Variants in ATP23 observed in about 807,000 individuals in gnomAD.
ATP23 encodes the protein ATP23 metallopeptidase and ATP synthase assembly factor homolog, also known as mitochondrial inner membrane protease ATP23 homolog.
Under a neutral mutation model 28.5 loss-of-function variants are expected in ATP23, and 24 were observed. That is an observed-to-expected ratio of 0.84 (90% CI 0.61 to 1.18). ATP23 has a LOEUF of 1.18. Among genes scored for constraint, ATP23 ranks in the 50% most tolerant of loss-of-function variants. ATP23 has a pLI of 0.00. For missense variants in ATP23, 274 were observed against 306.4 expected (o/e 0.89, Z 0.79); for synonymous variants, 99 against 108.6 (o/e 0.91, Z 0.55).
Position 57,942,425 on chromosome 12 carries a change from A to ATT in ATP23, c.187+552_187+553dup, listed in dbSNP as rs35301187. Reference sequence around the variant, plus strand: ...TGTGTGTGTGTGTGCCCCTAAGTGCATTTTTTTTTTTTTTTTGAGACGGAG... The same window carrying ATT: ...TGTGTGTGTGTGTGCCCCTAAGTGCATTTTTTTTTTTTTTTTTTGAGACGGAG... On this transcript the variant is annotated intron_variant, in intron 1 of 5. Transcript: ENST00000300145. Among the ~76,000 whole-genome samples the ATT allele has an allele frequency of 4.1e-3, 574 of 139,134 alleles. 5 individuals carry two copies. Among genetic ancestry groups the ATT allele is most frequent in the African/African-American group, 9.7e-3 (365 of 37,752 alleles). 91.3% of individuals were successfully genotyped at this position (139,134 alleles called of 152,430 possible). A position where few individuals can be genotyped will look rare whatever the true frequency, so the allele number is the denominator to read the frequency against.
At position 57,956,708 on chromosome 12, in the gene ATP23, A is replaced by G. The variant is rs1329997774; in HGVS notation, c.559A>G (p.Thr187Ala). 1.2e-6 allele frequency: 2 copies of G among 1,613,404 alleles called. No individual in the cohort carries two copies. Among genetic ancestry groups the G allele is most frequent in the Non-Finnish European group, 1.7e-6 (2 of 1,179,708 alleles). ...TTAGACTTGTGTGCGAGACAGAGCC[A>G]CTCTTTCTATCCTGGCTGTTAGGAA... ...HHQTCVRDRA[T>A]LSILAVRNIS... The change falls in exon 6 of 6, where the codon ACT becomes GCT. Residue 187 changes from threonine to alanine, a missense_variant. Thr to Ala is a moderately conservative substitution (Grantham distance 58, BLOSUM62 0). Transcript: ENST00000300145.
At chr12:57,947,870 T>G (rs1956777462) in intron 3 of ATP23, among the ~76,000 whole-genome samples, 1 of 152,234 alleles carries the variant, frequency 6.6e-6, no homozygotes, top group Non-Finnish European at 1.5e-5. Context: ...GTGTTATAAG[T>G]AACTGTTTCC....
intron 3 of ATP23, among the ~76,000 whole-genome samples, chr12:57,947,503 G>A (rs943598894): frequency 2.0e-5 from 3 of 152,156 alleles, no homozygotes; most frequent in Admixed American, 1.3e-4. Flanking sequence ...TTATCTGGAG[G>A]GCAGGAACAT....
chr12:57,951,049 G>A (rs1317590030), intron 3 of ATP23, among the ~76,000 whole-genome samples: 1 of 152,138 alleles, frequency 6.6e-6, no homozygotes, highest in Non-Finnish European at 1.5e-5. Context: ...CACAATCAAT[G>A]GCAGCTATTA....
chr12:57,956,782 T>C lies in ATP23; in HGVS notation c.633T>C (p.Ser211=). 2 of 1,614,008 alleles carry C rather than the reference T, an allele frequency of 1.2e-6. No individual in the cohort carries two copies. Among genetic ancestry groups the C allele is most frequent in the South Asian group, 1.1e-5 (1 of 91,082 alleles). The change falls in exon 6 of 6, where the codon TCT becomes TCC. Residue 211 remains serine (S), a synonymous_variant. Coordinates refer to ENST00000300145, the MANE Select transcript of ATP23 (RefSeq NM_033276.4). ...AGGCTGTTGATGAAGTTTTTGAATC[T>C]TGTTTCAATGACCATGAACCTTTTG... ...AKKAVDEVFE[S]CFNDHEPFGR...
intron 5 of ATP23, among the ~76,000 whole-genome samples, chr12:57,954,018 C>T (rs548381760): frequency 6.6e-6 from 1 of 151,808 alleles, no homozygotes; most frequent in Non-Finnish European, 1.5e-5. Flanking sequence ...CATGGTGAAA[C>T]CCCGTGTCTA....
rs1395713847 is a variant in ATP23 at position 57,957,611 on chromosome 12, A to AC, written c.*728dup. Reference sequence around the variant, plus strand: ...AGGGAGACCCTCCTCTCCCACACACACCCCCCCACTGGAGAAACTGAAGGT... The same window carrying AC: ...AGGGAGACCCTCCTCTCCCACACACACCCCCCCCACTGGAGAAACTGAAGGT... On this transcript the variant is annotated 3_prime_UTR_variant, in exon 6 of 6. Transcript: ENST00000300145. 2.0e-5 allele frequency among the ~76,000 whole-genome samples: 3 copies of AC among 151,520 alleles called. No individual in the cohort carries two copies. Among genetic ancestry groups the AC allele is most frequent in the Non-Finnish European group, 1.5e-5 (1 of 67,888 alleles).
At position 57,953,793 on chromosome 12, in the gene ATP23, C is replaced by T. The variant is rs7135674; in HGVS notation, c.537+104C>T. The T allele has an allele frequency of 1.2e-3, 1,188 of 1,012,748 alleles. 15 individuals carry two copies. In the African/African-American group the frequency reaches 0.017, roughly 14 times the overall value. The allele number at this position is 1,012,748 out of a possible 1,614,324, so 62.7% of individuals were successfully genotyped here. A position where few individuals can be genotyped will look rare whatever the true frequency, so the allele number is the denominator to read the frequency against. ...CAGTATTTGAAATTTGAAAGAACTT[C>T]GTATGTGAAAAGAATACAAAGTATG... On this transcript the variant is annotated intron_variant, in intron 5 of 5. Coordinates refer to ENST00000300145, the MANE Select transcript of ATP23 (RefSeq NM_033276.4).
intron 3 of ATP23, among the ~76,000 whole-genome samples, chr12:57,951,059 A>T (rs1956809701): frequency 6.6e-6 from 1 of 152,168 alleles, no homozygotes; most frequent in South Asian, 2.1e-4. Flanking sequence ...GGCAGCTATT[A>T]CTATTAGGAT....
intron 2 of ATP23, 129 bp downstream of exon 2, chr12:57,945,802 G>A (rs1191799969): frequency 2.6e-6 from 2 of 783,230 alleles, no homozygotes; most frequent in Non-Finnish European, 4.2e-6. Flanking sequence ...GTAAATAGAG[G>A]TAATTGGCTG....
intron 3 of ATP23, among the ~76,000 whole-genome samples, chr12:57,947,532 T>C (rs933466193): frequency 1.3e-5 from 2 of 151,950 alleles, no homozygotes; most frequent in Non-Finnish European, 2.9e-5. Context: ...TGAGGGAAAA[T>C]AGGATTGGAA....
chr12:57,946,852 A>G, intron 2 of ATP23, 143 bp from the exon 3 acceptor site: 2 of 627,978 alleles, frequency 3.2e-6, no homozygotes, highest in Admixed American at 6.2e-5. Flanking sequence ...AGTCCTGAAG[A>G]TGTTGTTTCT....
At chr12:57,948,886 T>C (rs1956789076) in intron 3 of ATP23, among the ~76,000 whole-genome samples, 1 of 152,246 alleles carries the variant, frequency 6.6e-6, no homozygotes, top group Admixed American at 6.5e-5. Context: ...ATACATGTTA[T>C]ACTTTGAATT....
At position 57,951,753 on chromosome 12, in the gene ATP23, C is replaced by T; in HGVS notation, c.316-5C>T. 6.2e-7 allele frequency: 1 copy of T among 1,613,800 alleles called. No individual in the cohort carries two copies. The highest frequency in any genetic ancestry group is 8.5e-7 in the Non-Finnish European group (1 of 1,179,836). On this transcript the variant is annotated splice_region_variant and splice_polypyrimidine_tract_variant and intron_variant, in intron 3 of 5. Coordinates refer to ENST00000300145, the MANE Select transcript of ATP23 (RefSeq NM_033276.4). ...CTGAACTTCTTTTATTTTGGTGTCT[C>T]CTAGATAGTTTTGTGCCAGAATAAT...
intron 3 of ATP23, among the ~76,000 whole-genome samples, chr12:57,949,520 GT>G (rs1956794810): frequency 6.6e-6 from 1 of 151,824 alleles, no homozygotes; most frequent in Non-Finnish European, 1.5e-5. Flanking sequence ...TTGGGACAGG[GT>G]CTTGCTCTGT....
intron 1 of ATP23, among the ~76,000 whole-genome samples, chr12:57,945,269 A>G (rs754805197): frequency 1.3e-5 from 2 of 152,026 alleles, no homozygotes; most frequent in South Asian, 2.1e-4. Flanking sequence ...GAGTCACTCT[A>G]TCGTCCAGGC....
In ATP23 at chr12:57,941,669, C is replaced by T; in HGVS notation, c.-33C>T. The T allele has an allele frequency of 1.3e-6, 2 of 1,595,030 alleles. No individual in the cohort carries two copies. The highest frequency in any genetic ancestry group is 1.7e-6 in the Non-Finnish European group (2 of 1,171,790). On this transcript the variant is annotated 5_prime_UTR_variant, in exon 1 of 6. Coordinates refer to ENST00000300145, the MANE Select transcript of ATP23 (RefSeq NM_033276.4). ...CCAGTCTCGCTCTGGCCGCCTGAGC[C>T]AGGAGGAAGCAGCGGCGAGGTCTGC...
chr12:57,944,572 G>A (rs576885876), intron 1 of ATP23, among the ~76,000 whole-genome samples: 1 of 152,294 alleles, frequency 6.6e-6, no homozygotes, highest in South Asian at 2.1e-4. Flanking sequence ...ACCTCTCCTG[G>A]AATACAGTTA....
Position 57,947,452 on chromosome 12 carries a change from G to A in ATP23, c.315+376G>A, listed in dbSNP as rs528351913. ...CAGCATGAGCAAAAGTGCATGCTAC[G>A]AAACTGCATGGCATGTGTAGGGAAT... is the stretch of plus-strand genomic sequence containing the variant. On this transcript the variant is annotated intron_variant, in intron 3 of 5. Coordinates refer to ENST00000300145, the MANE Select transcript of ATP23 (RefSeq NM_033276.4). Among the ~76,000 whole-genome samples, 21 of 152,276 alleles carry A rather than the reference G, an allele frequency of 1.4e-4. No individual in the cohort carries two copies. In the East Asian group the frequency reaches 3.7e-3, roughly 27 times the overall value.
Sources: gnomAD v4.1 joint callset for allele counts (sites outside exome capture counted in the v4.1 genomes callset) on GRCh38, gnomAD v4.1.1 for gene constraint, MANE v1.5 for transcripts, NCBI Gene and HGNC (gene_info 2026-07-23, HGNC 2026-07-21) for gene names.